The following DRC3 variants were observed in gnomAD, a reference collection of about 807,000 sequenced individuals.
The protein encoded by DRC3 is dynein regulatory complex subunit 3, also known as leucine rich repeat containing 48.
A neutral mutation model predicts 57.6 loss-of-function variants in DRC3; 45 were observed. The ratio of observed to expected loss-of-function variants is 0.78; its 90% CI spans 0.62 to 1.00. The LOEUF is 1.00. DRC3 is among the 50% of genes least tolerant of loss of function. The pLI is 0.00. For synonymous variants in DRC3, 257 were observed against 272.3 expected, an observed-to-expected ratio of 0.94 and a Z score of 0.55; for missense variants, 655 against 675.2, an observed-to-expected ratio of 0.97 and a Z score of 0.33.
At chr17:18,012,908 T>C (rs1802102126) in intron 12 of DRC3, among the ~76,000 whole-genome samples, 1 of 152,134 alleles carries the variant, frequency 6.6e-6, no homozygotes, top group Non-Finnish European at 1.5e-5. Flanking sequence ...TGCAAACTAC[T>C]TATCTGACAG....
At chr17:17,991,014 AAG>A (rs149477876) in intron 5 of DRC3, among the ~76,000 whole-genome samples, 3,463 of 152,200 alleles carry the variant, frequency 0.023, 112 homozygotes, top group African/African-American at 0.071. Flanking sequence ...ATAAATTAAA[AAG>A]AAAACATTTT....
At chr17:17,992,671 C>A in intron 5 of DRC3, 94 bp from the exon 6 acceptor site, 2 of 1,368,170 alleles carry the variant, frequency 1.5e-6, no homozygotes, top group Non-Finnish European at 2.0e-6. Context: ...TGTGGCCAGG[C>A]TGACTCTGAA....
chr17:17,981,530 T>C (rs2042686513), intron 3 of DRC3: 2 of 153,388 alleles, frequency 1.3e-5, no homozygotes, highest in African/African-American at 4.8e-5. Flanking sequence ...CCCTAGGTTG[T>C]AGGTGGGCAG....
chr17:17,973,055 C>T (rs1448157892), intron 1 of DRC3, 81 bp downstream of exon 1: 2 of 152,028 alleles, frequency 1.3e-5, no homozygotes, highest in African/African-American at 4.8e-5. Context: ...TGACCTTTTT[C>T]TCGGAGAACG....
intron 10 of DRC3, 162 bp from the exon 11 acceptor site, chr17:18,006,021 A>T: frequency 3.2e-6 from 2 of 627,056 alleles, no homozygotes; most frequent in Non-Finnish European, 5.8e-6. Context: ...GAGAGAGCAG[A>T]GGGGTCAGTT....
intron 9 of DRC3, among the ~76,000 whole-genome samples, chr17:18,002,425 C>T (rs1378757720): frequency 6.6e-6 from 1 of 152,130 alleles, no homozygotes; most frequent in East Asian, 1.9e-4. Context: ...TAACCCAGGC[C>T]CTTTGCTAGT....
chr17:17,992,681 A>AAC (rs2145325582), intron 5 of DRC3, 84 bp from the exon 6 acceptor site: 1 of 1,444,616 alleles, frequency 6.9e-7, no homozygotes. Flanking sequence ...CTGACTCTGA[A>AAC]AGAGTACTGA....
In DRC3 at chr17:17,986,572, C is replaced by T. The variant is rs182273703; in HGVS notation, c.278-1360C>T. ...CCACCTCCAAGGTTCAAGTGGTTCT[C>T]GTGCCTCAGCCTCCTGAGTAGCTGG... On this transcript the variant is annotated intron_variant, in intron 4 of 13. Transcript: ENST00000399187. Among the ~76,000 whole-genome samples the T allele has an allele frequency of 2.4e-3, 370 of 151,028 alleles. 2 individuals carry two copies. The highest frequency in any genetic ancestry group is 8.6e-3 in the African/African-American group (355 of 41,098).
At chr17:18,015,910 G>C in intron 12 of DRC3, 154 bp from the exon 13 acceptor site, 1 of 746,438 alleles carries the variant, frequency 1.3e-6, no homozygotes, top group Non-Finnish European at 2.2e-6. Flanking sequence ...ATTCACAGAT[G>C]AATCGGCAGA....
intron 12 of DRC3, 128 bp from the exon 13 acceptor site, chr17:18,015,936 G>C: frequency 2.2e-6 from 2 of 927,998 alleles, no homozygotes; most frequent in Non-Finnish European, 3.3e-6. Flanking sequence ...CTGATACAAA[G>C]GTGGGCTCTG....
chr17:17,999,932 G>T (rs902099792), intron 9 of DRC3, among the ~76,000 whole-genome samples: 1 of 152,008 alleles, frequency 6.6e-6, no homozygotes, highest in Non-Finnish European at 1.5e-5. Flanking sequence ...GTGTGTGTGC[G>T]TGCGTGCACA....
chr17:17,989,725 G>C (rs2043139344), intron 5 of DRC3: 1 of 152,246 alleles, frequency 6.6e-6, no homozygotes, highest in African/African-American at 2.4e-5. Context: ...CTAAGGACAG[G>C]AGCCTAAGGC....
intron 9 of DRC3, 113 bp from the exon 10 acceptor site, chr17:18,004,250 A>G: frequency 8.6e-7 from 1 of 1,157,508 alleles, no homozygotes; most frequent in South Asian, 1.4e-5. Flanking sequence ...TGAGACTTGC[A>G]CTTGGGCAGG....
At position 18,016,049 on chromosome 17, in the gene DRC3, C is replaced by A. The variant is rs201748313; in HGVS notation, c.1327-15C>A. 2.5e-6 allele frequency: 4 copies of A among 1,612,572 alleles called. No homozygotes were observed. The highest frequency in any genetic ancestry group is 4.5e-5 in the East Asian group (2 of 44,842). On this transcript the variant is annotated splice_polypyrimidine_tract_variant and intron_variant, in intron 12 of 13. Coordinates refer to ENST00000399187, the MANE Select transcript of DRC3 (RefSeq NM_031294.4). The stretch of plus-strand genomic sequence containing the variant: ...ATGACACACACTTTCTCATTGGATT[C>A]TTTTCACTCACCAGCTTTTTGTCGA...
intron 3 of DRC3, among the ~76,000 whole-genome samples, chr17:17,980,243 G>GT (rs925462163): frequency 1.8e-3 from 266 of 148,718 alleles, no homozygotes; most frequent in African/African-American, 4.6e-3. Flanking sequence ...TGGACTGTAT[G>GT]TTTTTTTTTT....
chr17:17,978,893 A>G (rs1057013587), intron 3 of DRC3, among the ~76,000 whole-genome samples: 5 of 152,248 alleles, frequency 3.3e-5, no homozygotes, highest in Non-Finnish European at 5.9e-5. Flanking sequence ...GGATTCAACT[A>G]TGAGCAAAAA....
intron 1 of DRC3, chr17:17,973,540 A>C (rs2042234163): frequency 6.6e-6 from 1 of 152,214 alleles, no homozygotes; most frequent in Admixed American, 6.5e-5. Context: ...CATGTACTTA[A>C]ATAATGCATG....
chr17:17,976,832 A>C (rs1045870060), intron 2 of DRC3, among the ~76,000 whole-genome samples: 1 of 152,048 alleles, frequency 6.6e-6, no homozygotes, highest in Non-Finnish European at 1.5e-5. Flanking sequence ...GTCTGTGTCG[A>C]TCTGTCTGTC....
intron 5 of DRC3, among the ~76,000 whole-genome samples, chr17:17,990,924 G>A (rs1264073099): frequency 1.3e-5 from 2 of 152,148 alleles, no homozygotes; most frequent in Non-Finnish European, 2.9e-5. Context: ...CTGGGAGGTG[G>A]AGGTTGCAGT....
Sources: gnomAD v4.1 joint callset for allele counts (sites outside exome capture counted in the v4.1 genomes callset) on GRCh38, gnomAD v4.1.1 for gene constraint, MANE v1.5 for transcripts, NCBI Gene and HGNC (gene_info 2026-07-23, HGNC 2026-07-21) for gene names.